The following MYO1D variants were observed in gnomAD, a reference collection of about 807,000 sequenced individuals.
MYO1D encodes the protein myosin ID.
MYO1D carries 83 observed loss-of-function variants against 122.0 expected under a neutral mutation model. The observed-to-expected ratio is 0.68, with a 90% CI of 0.57 to 0.82. The LOEUF is 0.82. Ranked by LOEUF, MYO1D falls within the 40% of genes least tolerant of loss-of-function variation. The pLI, the probability that MYO1D is intolerant of heterozygous loss-of-function variation, is 0.00. For synonymous variants in MYO1D, 464 were observed against 446.9 expected (o/e 1.04, Z -0.48); for missense variants, 1,157 against 1,269.5 (o/e 0.91, Z 1.35).
chr17:32,596,084 T>C (rs1446714651), intron 21 of MYO1D, among the ~76,000 whole-genome samples: 1 of 152,218 alleles, frequency 6.6e-6, no homozygotes, highest in Non-Finnish European at 1.5e-5. Context: ...GGCCACTCAC[T>C]TTTCTGTCCC....
At chr17:32,840,826 C>T (rs1030582133) in intron 1 of MYO1D, among the ~76,000 whole-genome samples, 35 of 152,176 alleles carry the variant, frequency 2.3e-4, no homozygotes, top group African/African-American at 8.2e-4. Context: ...GACCAAAAGG[C>T]AGGAATGTCT....
intron 21 of MYO1D, among the ~76,000 whole-genome samples, chr17:32,539,029 G>T (rs1910749972): frequency 6.7e-6 from 1 of 148,704 alleles, no homozygotes; most frequent in Non-Finnish European, 1.5e-5. Flanking sequence ...GTGATAGGTT[G>T]ACTGGTGCAG....
intron 21 of MYO1D, among the ~76,000 whole-genome samples, chr17:32,571,376 C>T (rs1194121749): frequency 6.6e-6 from 1 of 152,212 alleles, no homozygotes; most frequent in East Asian, 1.9e-4. Context: ...AGCATCTGTT[C>T]CTGCTGCTGC....
At chr17:32,688,545 G>A (rs1461807661) in intron 16 of MYO1D, among the ~76,000 whole-genome samples, 1 of 152,108 alleles carries the variant, frequency 6.6e-6, no homozygotes, top group Admixed American at 6.5e-5. Context: ...AGGCAGAATC[G>A]AACTTGAAGA....
At chr17:32,539,633 T>C (rs1468276015) in intron 21 of MYO1D, among the ~76,000 whole-genome samples, 2 of 152,180 alleles carry the variant, frequency 1.3e-5, no homozygotes, top group Non-Finnish European at 2.9e-5. Flanking sequence ...TCTCTGTGAG[T>C]GTTAAATCTC....
intron 20 of MYO1D, among the ~76,000 whole-genome samples, chr17:32,624,028 T>C (rs959287575): frequency 2.0e-5 from 3 of 152,066 alleles, no homozygotes; most frequent in African/African-American, 7.2e-5. Context: ...CTCACACACA[T>C]ATACGTAAGT....
intron 21 of MYO1D, among the ~76,000 whole-genome samples, chr17:32,547,200 C>G (rs1156337154): frequency 1.3e-5 from 2 of 152,150 alleles, no homozygotes; most frequent in Non-Finnish European, 2.9e-5. Flanking sequence ...GGCCATTGTG[C>G]CGGCACGAGA....
chr17:32,640,257 A>T (rs1464028887), intron 19 of MYO1D, among the ~76,000 whole-genome samples: 1 of 152,166 alleles, frequency 6.6e-6, no homozygotes, highest in Admixed American at 6.5e-5. Context: ...TTAACAGAGG[A>T]TTGGCACTTG....
At chr17:32,640,660 A>C (rs1211810354) in intron 19 of MYO1D, among the ~76,000 whole-genome samples, 1 of 150,736 alleles carries the variant, frequency 6.6e-6, no homozygotes, top group Non-Finnish European at 1.5e-5. Context: ...TGAACTAATC[A>C]TTTTTTATGG....
At chr17:32,724,409 G>A (rs748903687) in intron 14 of MYO1D, among the ~76,000 whole-genome samples, 1 of 152,134 alleles carries the variant, frequency 6.6e-6, no homozygotes, top group Non-Finnish European at 1.5e-5. Flanking sequence ...ACTGACACCC[G>A]TGCTGAGGGT....
chr17:32,675,949 G>A (rs1160785045), intron 16 of MYO1D, among the ~76,000 whole-genome samples: 1 of 152,112 alleles, frequency 6.6e-6, no homozygotes, highest in African/African-American at 2.4e-5. Context: ...ATTTTCCCAT[G>A]TGATCAAATA....
chr17:32,812,699 A>G (rs2090582548), intron 1 of MYO1D, among the ~76,000 whole-genome samples: 1 of 152,246 alleles, frequency 6.6e-6, no homozygotes, highest in South Asian at 2.1e-4. Context: ...AGAGGACTGC[A>G]GAAGTTCCAG....
At chr17:32,772,020 CAGAACTTAT>C (rs2090117530) in intron 5 of MYO1D, among the ~76,000 whole-genome samples, 1 of 151,860 alleles carries the variant, frequency 6.6e-6, no homozygotes, top group Non-Finnish European at 1.5e-5. Flanking sequence ...CTTAATATAC[CAGAACTTAT>C]ATATACAAAT....
intron 21 of MYO1D, among the ~76,000 whole-genome samples, chr17:32,504,410 G>C (rs955234631): frequency 1.3e-5 from 2 of 152,208 alleles, no homozygotes; most frequent in Admixed American, 1.3e-4. Flanking sequence ...TCCAGAGAAG[G>C]ACAAATGCGG....
At chr17:32,584,409 T>C (rs780092400) in intron 21 of MYO1D, among the ~76,000 whole-genome samples, 1 of 152,200 alleles carries the variant, frequency 6.6e-6, no homozygotes, top group Non-Finnish European at 1.5e-5. Flanking sequence ...ACACTGACTT[T>C]TACATTATTC....
chr17:32,822,654 C>G (rs1415247198), intron 1 of MYO1D, among the ~76,000 whole-genome samples: 1 of 149,378 alleles, frequency 6.7e-6, no homozygotes, highest in Non-Finnish European at 1.5e-5. Context: ...CGCGCGGGCC[C>G]CGGTGGGGCG....
chr17:32,549,030 A>G (rs1213942340), intron 21 of MYO1D, among the ~76,000 whole-genome samples: 1 of 152,034 alleles, frequency 6.6e-6, no homozygotes, highest in Non-Finnish European at 1.5e-5. Context: ...AATTATTTTT[A>G]TATATATCTG....
chr17:32,608,928 G>A (rs1050527935), intron 20 of MYO1D, among the ~76,000 whole-genome samples: 1 of 152,152 alleles, frequency 6.6e-6, no homozygotes, highest in African/African-American at 2.4e-5. Context: ...CCTGTGTGAC[G>A]CCATTTATAT....
intron 21 of MYO1D, among the ~76,000 whole-genome samples, chr17:32,571,128 T>TA (rs2087222933): frequency 6.6e-6 from 1 of 152,092 alleles, no homozygotes; most frequent in South Asian, 2.1e-4. Flanking sequence ...AGGGTGTTTC[T>TA]ACCACTGGTG....
Sources: gnomAD v4.1 joint callset for allele counts (sites outside exome capture counted in the v4.1 genomes callset) on GRCh38, gnomAD v4.1.1 for gene constraint, MANE v1.5 for transcripts, NCBI Gene and HGNC (gene_info 2026-07-23, HGNC 2026-07-21) for gene names.